RPA1: variants seen among roughly 807,000 people sequenced by gnomAD.
RPA1 encodes the protein replication protein A1.
Under a neutral mutation model 83.0 loss-of-function variants are expected in RPA1, and 49 were observed. That is an observed-to-expected ratio of 0.59 (90% CI 0.47 to 0.75). RPA1 has a LOEUF of 0.75. Among genes scored for constraint, RPA1 ranks in the 30% least tolerant of loss-of-function variants. The pLI is 0.00. For synonymous variants in RPA1, 279 were observed against 281.8 expected, an observed-to-expected ratio of 0.99 and a Z score of 0.10; for missense variants, 693 against 776.1, an observed-to-expected ratio of 0.89 and a Z score of 1.27.
chr17:1,875,508 G>A (rs779918864), intron 6 of RPA1, among the ~76,000 whole-genome samples, 153 bp from the exon 7 acceptor site: 8 of 151,974 alleles, frequency 5.3e-5, no homozygotes, highest in Non-Finnish European at 8.8e-5. Context: ...TTTGATCTGC[G>A]TATCTCTTGC....
chr17:1,889,002 C>G lies in RPA1; in HGVS notation c.1551+151C>G, dbSNP rs1001870183. 7 of 795,738 alleles carry G rather than the reference C, an allele frequency of 8.8e-6. No individual in the cohort carries two copies. In the African/African-American group the frequency reaches 1.0e-4, roughly 12 times the overall value. The allele number at this position is 795,738 out of a possible 1,614,324, so 49.3% of individuals were successfully genotyped here. ...GGAAGAGCTTATCCATCCGCTTTTT[C>G]ATGCCAGAAAGTGGTGTTGAGATAC... On this transcript the variant is annotated intron_variant, in intron 14 of 16. Coordinates refer to ENST00000254719, the MANE Select transcript of RPA1 (RefSeq NM_002945.5).
chr17:1,830,529 C>T, intron 1 of RPA1: 1 of 179,576 alleles, frequency 5.6e-6, no homozygotes. Flanking sequence ...TGTAGAAAAC[C>T]CTGGCTGAAG....
intron 14 of RPA1, among the ~76,000 whole-genome samples, chr17:1,891,061 T>C (rs1660949364): frequency 6.6e-6 from 1 of 152,214 alleles, no homozygotes; most frequent in Admixed American, 6.5e-5. Context: ...ATTAAAAGCC[T>C]TGTACCCATG....
chr17:1,873,227 A>G (rs1041871828), intron 6 of RPA1, among the ~76,000 whole-genome samples: 2 of 152,178 alleles, frequency 1.3e-5, no homozygotes, highest in South Asian at 2.1e-4. Context: ...TGAAGACAGT[A>G]TTACTTATAT....
intron 5 of RPA1, 39 bp from the exon 6 acceptor site, chr17:1,872,395 T>C (rs763580213): frequency 6.2e-7 from 1 of 1,606,412 alleles, no homozygotes; most frequent in South Asian, 1.1e-5. Context: ...TTAACCCAAA[T>C]CCTTTGCACT....
In RPA1 at chr17:1,877,893, C is replaced by T. The variant is rs149889520; in HGVS notation, c.690+579C>T. On this transcript the variant is annotated intron_variant, in intron 8 of 16. Transcript: ENST00000254719. ...ACAAAATTCCTATGCCATGGAAGTA[C>T]GACAGTCTTGATAGCTGTTAATCAG... is the stretch of plus-strand genomic sequence containing the variant. Among the ~76,000 whole-genome samples, 690 of 152,294 alleles carry T rather than the reference C, an allele frequency of 4.5e-3. 5 individuals are homozygous for T. The highest frequency in any genetic ancestry group is 8.5e-3 in the South Asian group (41 of 4,822).
intron 1 of RPA1, among the ~76,000 whole-genome samples, chr17:1,838,921 G>A (rs970795304): frequency 6.6e-6 from 1 of 151,980 alleles, no homozygotes; most frequent in Non-Finnish European, 1.5e-5. Context: ...CACGATCTCG[G>A]CTCACTGCAA....
At chr17:1,833,062 G>A (rs990770034) in intron 1 of RPA1, among the ~76,000 whole-genome samples, 5 of 152,080 alleles carry the variant, frequency 3.3e-5, no homozygotes, top group African/African-American at 1.2e-4. Context: ...TAGAAGCTGG[G>A]ATTACAGGTG....
intron 1 of RPA1, among the ~76,000 whole-genome samples, chr17:1,842,053 G>C (rs772400052): frequency 6.6e-6 from 1 of 151,814 alleles, no homozygotes; most frequent in South Asian, 2.1e-4. Flanking sequence ...ACAGAGTCTC[G>C]CTATGTTGCT....
chr17:1,858,411 A>G, intron 5 of RPA1: 1 of 1,578,306 alleles, frequency 6.3e-7, no homozygotes, highest in Non-Finnish European at 8.7e-7. Context: ...CTCGGAGGCA[A>G]TGACGACCAA....
chr17:1,861,656 G>A (rs1402010203), intron 5 of RPA1, among the ~76,000 whole-genome samples: 2 of 151,380 alleles, frequency 1.3e-5, no homozygotes, highest in Non-Finnish European at 2.9e-5. Context: ...GCTGCTCTTC[G>A]TTAATTTTTT....
At chr17:1,838,999 C>T (rs1050627015) in intron 1 of RPA1, among the ~76,000 whole-genome samples, 6 of 152,040 alleles carry the variant, frequency 3.9e-5, no homozygotes, top group East Asian at 2.0e-4. Flanking sequence ...TACAGGCACC[C>T]GCCACCATGC....
At position 1,899,293 on chromosome 17, in the gene RPA1, A is replaced by G. The variant is rs1191100816; in HGVS notation, c.*2118A>G. 1 of 97,376 alleles carries G rather than the reference A, an allele frequency of 1.0e-5. No individual in the cohort carries two copies. The highest frequency in any genetic ancestry group is 2.4e-5 in the Non-Finnish European group (1 of 42,436). 6.0% of individuals were successfully genotyped at this position (97,376 alleles called of 1,614,324 possible). On this transcript the variant is annotated 3_prime_UTR_variant, in exon 17 of 17. Transcript: ENST00000254719. Reference sequence around the variant, plus strand: ...GTTGCCTAAATAGATTCTGGCCCACAGTTTACCTCGAAAGGCTGTTGATGT... The same window carrying G: ...GTTGCCTAAATAGATTCTGGCCCACGGTTTACCTCGAAAGGCTGTTGATGT...
chr17:1,842,247 A>G (rs1166413113), intron 1 of RPA1, among the ~76,000 whole-genome samples: 1 of 152,072 alleles, frequency 6.6e-6, no homozygotes, highest in South Asian at 2.1e-4. Context: ...GAAATAATTT[A>G]TGCAAGTTTT....
chr17:1,852,814 A>G (rs901741609), intron 4 of RPA1, among the ~76,000 whole-genome samples: 1 of 152,204 alleles, frequency 6.6e-6, no homozygotes, highest in Non-Finnish European at 1.5e-5. Flanking sequence ...TTTTTATGCC[A>G]TATATTCTTG....
chr17:1,871,863 G>A (rs1913387737), intron 5 of RPA1, among the ~76,000 whole-genome samples: 1 of 152,110 alleles, frequency 6.6e-6, no homozygotes, highest in Non-Finnish European at 1.5e-5. Context: ...TCATGGTACT[G>A]GAGACTCTTT....
At chr17:1,833,708 G>A (rs933019514) in intron 1 of RPA1, among the ~76,000 whole-genome samples, 1 of 152,048 alleles carries the variant, frequency 6.6e-6, no homozygotes, top group Non-Finnish European at 1.5e-5. Flanking sequence ...TACAAAATTA[G>A]CCAGGTGTGG....
intron 12 of RPA1, among the ~76,000 whole-genome samples, chr17:1,883,377 A>G (rs991534253): frequency 1.3e-5 from 2 of 152,016 alleles, no homozygotes; most frequent in Admixed American, 6.6e-5. Context: ...TGGCCAGGAT[A>G]GTCTTGATCT....
intron 7 of RPA1, 127 bp downstream of exon 7, chr17:1,875,920 C>CTA: frequency 3.3e-5 from 22 of 659,940 alleles, no homozygotes; most frequent in Non-Finnish European, 4.5e-5. Flanking sequence ...AATGGGTTTA[C>CTA]TCTTTTTTTT....
Sources: allele counts gnomAD v4.1 joint callset (sites outside exome capture counted in the v4.1 genomes callset), GRCh38; gene constraint gnomAD v4.1.1; transcripts MANE v1.5; gene names NCBI Gene and HGNC (gene_info 2026-07-23, HGNC 2026-07-21).